Variants in STK31 observed in about 807,000 individuals in gnomAD.
The protein encoded by STK31 is serine/threonine-protein kinase 31.
In STK31, 89 loss-of-function variants were observed where a neutral mutation model predicts 129.7. That is an observed-to-expected ratio of 0.69 (90% confidence interval 0.58 to 0.82). The LOEUF is 0.82. STK31 is among the 40% of genes least tolerant of loss of function. The pLI, the probability that STK31 is intolerant of heterozygous loss-of-function variation, is 0.00. For missense variants in STK31, 1,187 were observed against 1,176.4 expected (o/e 1.01, Z -0.13); for synonymous variants, 448 against 395.3 (o/e 1.13, Z -1.58).
At chr7:23,731,241 G>A (rs143988394) in intron 6 of STK31, among the ~76,000 whole-genome samples, 65 of 152,074 alleles carry the variant, frequency 4.3e-4, no homozygotes, top group African/African-American at 1.5e-3. Context: ...AAGCTAATTG[G>A]CACACAATGT....
intron 15 of STK31, among the ~76,000 whole-genome samples, chr7:23,774,592 GTCTGT>G (rs1790419987): frequency 6.6e-6 from 1 of 152,158 alleles, no homozygotes; most frequent in Non-Finnish European, 1.5e-5. Context: ...TTTGAGAAGT[GTCTGT>G]TCATATCCTT....
intron 11 of STK31, among the ~76,000 whole-genome samples, chr7:23,763,381 G>A (rs965003127): frequency 2.0e-5 from 3 of 152,134 alleles, no homozygotes; most frequent in African/African-American, 7.2e-5. Flanking sequence ...TGATATGGTG[G>A]AATCTTGTCT....
At chr7:23,717,101 T>C (rs1180846209) in intron 3 of STK31, among the ~76,000 whole-genome samples, 1 of 68,782 alleles carries the variant, frequency 1.5e-5, no homozygotes, top group Admixed American at 1.5e-4. Context: ...AACCTGCTTT[T>C]TTTTTTTTTT....
At chr7:23,812,900 T>C (rs1255210742) in intron 22 of STK31, among the ~76,000 whole-genome samples, 1 of 152,176 alleles carries the variant, frequency 6.6e-6, no homozygotes, top group East Asian at 1.9e-4. Context: ...TGTACATATG[T>C]ATGTATGTGT....
At position 23,710,343 on chromosome 7, in the gene STK31, G is replaced by A. The variant is rs529148422; in HGVS notation, c.50+8G>A. Reference sequence around the variant, plus strand: ...CGCAACGGAAAGTGTGAGGTCAGTAGTAGTTTTTGTGGTACGTGCAGTGGT... The same window carrying A: ...CGCAACGGAAAGTGTGAGGTCAGTAATAGTTTTTGTGGTACGTGCAGTGGT... On this transcript the variant is annotated splice_region_variant and intron_variant, in intron 1 of 23. Transcript: ENST00000355870. 6.2e-7 allele frequency: 1 copy of A among 1,613,492 alleles called. No homozygotes were observed. The highest frequency in any genetic ancestry group is 1.1e-5 in the South Asian group (1 of 90,782).
At chr7:23,788,196 A>G in intron 21 of STK31, 67 bp downstream of exon 21, 1 of 1,342,992 alleles carries the variant, frequency 7.4e-7, no homozygotes, top group Non-Finnish European at 1.0e-6. Context: ...GTAGTTCAGC[A>G]CTTATATATA....
chr7:23,761,324 A>G (rs1445472490), intron 10 of STK31, among the ~76,000 whole-genome samples: 3 of 151,916 alleles, frequency 2.0e-5, no homozygotes, highest in Non-Finnish European at 4.4e-5. Context: ...TGAAATCGTC[A>G]TTTTATTTCC....
chr7:23,718,325 G>A, intron 4 of STK31, among the ~76,000 whole-genome samples: 1 of 152,040 alleles, frequency 6.6e-6, no homozygotes, highest in East Asian at 1.9e-4. Flanking sequence ...GAGCAATTTG[G>A]CTTTTTTCTT....
At chr7:23,815,536 T>C (rs1793419423) in intron 23 of STK31, among the ~76,000 whole-genome samples, 1 of 152,182 alleles carries the variant, frequency 6.6e-6, no homozygotes. Context: ...TAACTATATC[T>C]TTGTCATTCA....
chr7:23,762,829 G>A lies in STK31; in HGVS notation c.1322G>A (p.Arg441Lys). 1 of 1,608,748 alleles carries A rather than the reference G, an allele frequency of 6.2e-7. No individual in the cohort carries two copies. The highest frequency in any genetic ancestry group is 1.1e-5 in the South Asian group (1 of 89,464). The stretch of plus-strand genomic sequence containing the variant: ...GAAGGGAATATTTTGATTGCCCAAA[G>A]AAATGAAATGCAGCAGAAGCTGTAC... ...VSEGNILIAQ[R>K]NEMQQKLYMS... is the part of the protein sequence containing the mutation. Residue 441 changes from arginine (R) to lysine (K), a missense_variant, in exon 11 of 24, where the codon AGA becomes AAA. Arg to Lys is a conservative substitution (Grantham distance 26). Transcript: ENST00000355870.
chr7:23,825,828 C>G (rs1794113888), intron 23 of STK31, among the ~76,000 whole-genome samples: 1 of 152,140 alleles, frequency 6.6e-6, no homozygotes, highest in Non-Finnish European at 1.5e-5. Context: ...CAAAGAACAT[C>G]TTTATTTCTG....
At chr7:23,737,770 G>T (rs182655675) in intron 8 of STK31, among the ~76,000 whole-genome samples, 4 of 152,002 alleles carry the variant, frequency 2.6e-5, no homozygotes, top group African/African-American at 9.7e-5. Context: ...TGATCTCCAC[G>T]TGTGTCTTCT....
At chr7:23,807,946 G>A (rs537301940) in intron 22 of STK31, among the ~76,000 whole-genome samples, 63 of 151,134 alleles carry the variant, frequency 4.2e-4, no homozygotes, top group Non-Finnish European at 7.2e-4. Context: ...AAATTTAAGT[G>A]TGTTTGTAAT....
rs1218295743 is a variant in STK31, at chr7:23,769,063, T to G, written c.1485T>G (p.Leu495=). Residue 495 remains leucine, a synonymous_variant, in exon 12 of 24, where the codon CTT becomes CTG. Coordinates refer to ENST00000355870, the MANE Select transcript of STK31 (RefSeq NM_031414.5). ...AAGGAGCAAATTCTGATGAAATACTTAAAAAATTTTATGACTGGAAGTGTG... is the reference window on the plus strand; with the variant it reads ...AAGGAGCAAATTCTGATGAAATACTGAAAAAATTTTATGACTGGAAGTGTG... The part of the protein sequence containing the change: ...AKEGANSDEI[L]KKFYDWKCDK... The G allele has an allele frequency of 1.2e-6, 2 of 1,613,238 alleles. No individual in the cohort carries two copies. The highest frequency in any genetic ancestry group is 2.7e-5 in the African/African-American group (2 of 75,020).
At chr7:23,726,141 A>T (rs1462346426) in intron 4 of STK31, 1 of 152,194 alleles carries the variant, frequency 6.6e-6, no homozygotes, top group Non-Finnish European at 1.5e-5. Flanking sequence ...GATTTGGTGG[A>T]TGATATCCAA....
At chr7:23,732,449 AC>A (rs985129466) in intron 6 of STK31, among the ~76,000 whole-genome samples, 3 of 152,184 alleles carry the variant, frequency 2.0e-5, no homozygotes, top group African/African-American at 7.2e-5. Context: ...GTATTAAAAC[AC>A]CCATGTATCA....
intron 15 of STK31, among the ~76,000 whole-genome samples, chr7:23,773,952 C>A (rs1248536211): frequency 6.8e-6 from 1 of 148,088 alleles, no homozygotes; most frequent in East Asian, 1.9e-4. Flanking sequence ...CCACAACAGA[C>A]CCCGGGGTGT....
chr7:23,830,909 C>T (rs932772530), intron 23 of STK31, among the ~76,000 whole-genome samples: 23 of 152,208 alleles, frequency 1.5e-4, no homozygotes, highest in South Asian at 2.1e-4. Flanking sequence ...CATGAGCCAC[C>T]GTGCCTGGCC....
intron 22 of STK31, among the ~76,000 whole-genome samples, chr7:23,808,580 G>A (rs1187474847): frequency 6.6e-6 from 1 of 152,052 alleles, no homozygotes; most frequent in Non-Finnish European, 1.5e-5. Flanking sequence ...GTGGAAGTAA[G>A]CCCTGTTCTG....
Sources: gnomAD v4.1 joint callset for allele counts (sites outside exome capture counted in the v4.1 genomes callset) on GRCh38, gnomAD v4.1.1 for gene constraint, MANE v1.5 for transcripts, NCBI Gene and HGNC (gene_info 2026-07-23, HGNC 2026-07-21) for gene names.